LARGE1: variants seen among roughly 807,000 people sequenced by gnomAD.
LARGE1 encodes the protein LARGE xylosyl- and glucuronyltransferase 1.
In LARGE1, 43 loss-of-function variants were observed where a neutral mutation model predicts 87.6. The observed-to-expected ratio is 0.49, with a 90% CI of 0.38 to 0.63. The LOEUF (loss-of-function observed/expected upper bound fraction) is 0.63, where lower values mean the gene tolerates loss of function less well. Among genes scored for constraint, LARGE1 ranks in the 30% least tolerant of loss-of-function variants. LARGE1 has a pLI of 0.00. For missense variants in LARGE1, 802 were observed against 1,000.2 expected (o/e 0.80, Z 2.67); for synonymous variants, 434 against 394.6 (o/e 1.10, Z -1.18).
chr22:33,502,277 T>G, intron 6 of LARGE1, among the ~76,000 whole-genome samples: 1 of 151,198 alleles, frequency 6.6e-6, no homozygotes. Flanking sequence ...GAGCTGAGGT[T>G]GGAAAAACAT....
At chr22:33,342,015 T>G (rs1939201562) in intron 9 of LARGE1, among the ~76,000 whole-genome samples, 1 of 152,186 alleles carries the variant, frequency 6.6e-6, no homozygotes, top group Admixed American at 6.5e-5. Context: ...TCGATGAGGC[T>G]TACATTTCAG....
chr22:33,265,171 C>G (rs1927864791), intron 11 of LARGE1, among the ~76,000 whole-genome samples: 1 of 152,062 alleles, frequency 6.6e-6, no homozygotes, highest in African/African-American at 2.4e-5. Context: ...TCCGAAAGTG[C>G]TGGGATTACA....
intron 5 of LARGE1, among the ~76,000 whole-genome samples, chr22:33,579,375 G>T (rs912209630): frequency 6.6e-6 from 1 of 152,216 alleles, no homozygotes; most frequent in Non-Finnish European, 1.5e-5. Context: ...TTTAAGTCCA[G>T]TTAAATCTCT....
chr22:33,751,899 G>C (rs758280787), intron 2 of LARGE1, among the ~76,000 whole-genome samples: 1 of 151,896 alleles, frequency 6.6e-6, no homozygotes, highest in Non-Finnish European at 1.5e-5. Context: ...TCCCTAGTAG[G>C]TGGGGCTACA....
chr22:33,082,716 TA>T, the LARGE1 span, among the ~76,000 whole-genome samples: 1 of 152,314 alleles, frequency 6.6e-6, no homozygotes, highest in Non-Finnish European at 1.5e-5. Context: ...GAGAGATAGT[TA>T]GCAACAGACA....
At chr22:33,614,166 T>A (rs1003072328) in intron 4 of LARGE1, among the ~76,000 whole-genome samples, 5 of 152,104 alleles carry the variant, frequency 3.3e-5, no homozygotes, top group African/African-American at 1.2e-4. Context: ...AGTTTCCAAA[T>A]CTTCAAAATG....
intron 10 of LARGE1, among the ~76,000 whole-genome samples, chr22:33,324,009 A>C (rs934753463): frequency 6.6e-6 from 1 of 152,058 alleles, no homozygotes; most frequent in African/African-American, 2.4e-5. Context: ...AGGCGGGTGG[A>C]TCACCTGAGG....
intron 6 of LARGE1, among the ~76,000 whole-genome samples, chr22:33,438,299 T>G (rs542888850): frequency 2.6e-5 from 4 of 152,294 alleles, no homozygotes; most frequent in South Asian, 4.1e-4. Flanking sequence ...CTCAGCATTC[T>G]GCACTGCCTG....
chr22:33,611,902 G>A (rs2079440413), intron 4 of LARGE1, among the ~76,000 whole-genome samples: 1 of 152,102 alleles, frequency 6.6e-6, no homozygotes, highest in African/African-American at 2.4e-5. Context: ...GCTGTTTAAA[G>A]ATTGTGGCAC....
intron 2 of LARGE1, among the ~76,000 whole-genome samples, chr22:33,652,369 C>A (rs990498756): frequency 1.3e-5 from 2 of 151,118 alleles, no homozygotes; most frequent in African/African-American, 4.9e-5. Context: ...TAAAAAAAAA[C>A]AAACACTTAT....
intron 2 of LARGE1, among the ~76,000 whole-genome samples, chr22:33,758,466 T>A (rs1439597020): frequency 1.3e-5 from 2 of 152,298 alleles, no homozygotes; most frequent in East Asian, 3.9e-4. Context: ...TGTGTTAACA[T>A]GCCCACATCA....
intron 2 of LARGE1, chr22:33,732,764 C>A (rs1408242464): frequency 6.6e-6 from 1 of 152,214 alleles, no homozygotes. Context: ...AGATTGCAGT[C>A]ACCTTTGAAG....
intron 2 of LARGE1, among the ~76,000 whole-genome samples, chr22:33,719,443 G>A (rs1462782409): frequency 6.6e-6 from 1 of 152,004 alleles, no homozygotes; most frequent in Non-Finnish European, 1.5e-5. Context: ...GAAACTTCCA[G>A]TTCTACAGGC....
chr22:33,778,611 T>C (rs2085321948), intron 1 of LARGE1, among the ~76,000 whole-genome samples: 1 of 152,136 alleles, frequency 6.6e-6, no homozygotes, highest in Non-Finnish European at 1.5e-5. Flanking sequence ...CTCAGCACCA[T>C]GTACCCAAGG....
intron 11 of LARGE1, among the ~76,000 whole-genome samples, chr22:33,200,082 C>T (rs1399486240): frequency 6.6e-6 from 1 of 152,020 alleles, no homozygotes; most frequent in East Asian, 1.9e-4. Context: ...CTCCTGACTT[C>T]GTGATCCACC....
At chr22:33,153,388 T>G in the LARGE1 span, among the ~76,000 whole-genome samples, 5 of 152,202 alleles carry the variant, frequency 3.3e-5, no homozygotes, top group African/African-American at 1.2e-4. Flanking sequence ...GAATATCTGT[T>G]CATCTTTTTA....
intron 7 of LARGE1, among the ~76,000 whole-genome samples, chr22:33,394,712 T>C (rs1366695743): frequency 7.8e-6 from 1 of 128,042 alleles, no homozygotes; most frequent in African/African-American, 2.8e-5. Flanking sequence ...CGTGTGTGTG[T>C]GTGTGTGTGT....
chr22:33,114,373 C>T, the LARGE1 span, among the ~76,000 whole-genome samples: 6 of 152,282 alleles, frequency 3.9e-5, no homozygotes, highest in African/African-American at 9.6e-5. Context: ...AGAAAAAGAA[C>T]GGACTTCCCA....
chr22:33,288,760 G>A (rs928467486), intron 12 of LARGE1, among the ~76,000 whole-genome samples: 16 of 151,980 alleles, frequency 1.1e-4, no homozygotes, highest in African/African-American at 3.6e-4. Flanking sequence ...GTCCTTCTTG[G>A]ACTGCCACTC....
Sources: allele counts gnomAD v4.1 joint callset (sites outside exome capture counted in the v4.1 genomes callset), GRCh38; gene constraint gnomAD v4.1.1; transcripts MANE v1.5; gene names NCBI Gene and HGNC (gene_info 2026-07-23, HGNC 2026-07-21).